The following TENM2 variants were observed in gnomAD, a reference collection of about 807,000 sequenced individuals.
TENM2 encodes teneurin-2.
In TENM2, 52 loss-of-function variants were observed where a neutral mutation model predicts 245.2. That is an observed-to-expected ratio of 0.21 (90% CI 0.17 to 0.27). The LOEUF (loss-of-function observed/expected upper bound fraction) is 0.27, where lower values mean the gene tolerates loss of function less well. Ranked by LOEUF, TENM2 falls within the 10% of genes least tolerant of loss-of-function variation. The pLI is 1.00. For missense variants in TENM2, 3,046 were observed against 3,666.8 expected (o/e 0.83, Z 4.37); for synonymous variants, 1,363 against 1,438.9 (o/e 0.95, Z 1.19).
At chr5:167,407,432 T>A (rs1762695195) in intron 2 of TENM2, among the ~76,000 whole-genome samples, 1 of 152,154 alleles carries the variant, frequency 6.6e-6, no homozygotes, top group Non-Finnish European at 1.5e-5. Flanking sequence ...CTTGTAATTT[T>A]CCAAGTAAGT....
intron 2 of TENM2, among the ~76,000 whole-genome samples, chr5:167,534,154 C>T (rs899400513): frequency 2.0e-5 from 3 of 152,114 alleles, no homozygotes; most frequent in African/African-American, 7.2e-5. Flanking sequence ...CAGTTACTTA[C>T]CAAGTGTCAA....
chr5:167,944,822 T>C (rs1006969438), intron 3 of TENM2, among the ~76,000 whole-genome samples: 1 of 152,172 alleles, frequency 6.6e-6, no homozygotes, highest in Admixed American at 6.5e-5. Flanking sequence ...AAAAGCTGAA[T>C]TGTATGATAT....
At position 167,379,931 on chromosome 5, in the gene TENM2, CA is replaced by C. The variant is rs10622295; in HGVS notation, c.502+4472del. The stretch of plus-strand genomic sequence containing the variant: ...AACAAAACAAAATTTAAAAACATAC[CA>C]AAAAAAAAAAAAACCCAGAACAAAG... On this transcript the variant is annotated intron_variant, in intron 2 of 28. Coordinates refer to ENST00000518659, the Ensembl canonical transcript of TENM2. Among the ~76,000 whole-genome samples the C allele has an allele frequency of 1.5e-3, 193 of 132,206 alleles. 3 individuals carry two copies. The highest frequency in any genetic ancestry group is 2.0e-3 in the Admixed American group (26 of 13,018). The allele number at this position is 132,206 out of a possible 152,430, so 86.7% of individuals were successfully genotyped here. A position where few individuals can be genotyped will look rare whatever the true frequency, so the allele number is the denominator to read the frequency against.
intron 10 of TENM2, among the ~76,000 whole-genome samples, chr5:168,120,974 G>A (rs1795429012): frequency 6.6e-6 from 1 of 152,202 alleles, no homozygotes. Context: ...GGAAGGTGAT[G>A]AGAGAGGAGT....
chr5:167,444,060 T>G (rs146408072), intron 2 of TENM2, among the ~76,000 whole-genome samples: 259 of 152,236 alleles, frequency 1.7e-3, no homozygotes, highest in African/African-American at 6.0e-3. Context: ...TTCCTTAATT[T>G]GTAGTGACTA....
intron 3 of TENM2, among the ~76,000 whole-genome samples, chr5:167,920,935 T>C (rs1777321082): frequency 6.6e-6 from 1 of 152,142 alleles, no homozygotes; most frequent in African/African-American, 2.4e-5. Flanking sequence ...TGAAACTAGG[T>C]TATTATCCTC....
intron 2 of TENM2, among the ~76,000 whole-genome samples, chr5:167,858,299 A>G (rs1420653872): frequency 6.6e-6 from 1 of 152,262 alleles, no homozygotes; most frequent in African/African-American, 2.4e-5. Flanking sequence ...TCTTCATAAG[A>G]AGAGGAAGAA....
At chr5:167,634,356 T>C (rs965856466) in intron 2 of TENM2, among the ~76,000 whole-genome samples, 2 of 152,178 alleles carry the variant, frequency 1.3e-5, no homozygotes, top group South Asian at 2.1e-4. Flanking sequence ...TTCTAGAAAG[T>C]TAGGAATTCT....
chr5:167,198,571 A>G, the TENM2 span, among the ~76,000 whole-genome samples: 7 of 152,130 alleles, frequency 4.6e-5, no homozygotes, highest in Admixed American at 2.0e-4. Flanking sequence ...CAAACAGTAG[A>G]TCAAGTTCTT....
At chr5:167,057,360 T>C in the TENM2 span, among the ~76,000 whole-genome samples, 1 of 152,218 alleles carries the variant, frequency 6.6e-6, no homozygotes, top group East Asian at 1.9e-4. Context: ...ACAGTCTCTT[T>C]ACACTGTATA....
the TENM2 span, among the ~76,000 whole-genome samples, chr5:167,061,084 T>G: frequency 1.3e-5 from 1 of 74,968 alleles, no homozygotes; most frequent in East Asian, 4.1e-4. Context: ...GATTAATCTC[T>G]CTCCAAAACA....
chr5:167,628,052 C>G (rs1335891242), intron 2 of TENM2, among the ~76,000 whole-genome samples: 4 of 152,192 alleles, frequency 2.6e-5, no homozygotes, highest in African/African-American at 9.6e-5. Flanking sequence ...CATAGCAAAT[C>G]TCTGTGTCCA....
At chr5:168,082,614 G>A (rs767958659) in intron 7 of TENM2, among the ~76,000 whole-genome samples, 77 of 152,242 alleles carry the variant, frequency 5.1e-4, no homozygotes, top group Middle Eastern at 3.4e-3. Context: ...TTTTGGTGTG[G>A]ATGTCCTTTC....
intron 23 of TENM2, among the ~76,000 whole-genome samples, chr5:168,225,195 A>G (rs1764045597): frequency 6.6e-6 from 1 of 152,096 alleles, no homozygotes; most frequent in African/African-American, 2.4e-5. Context: ...GGACCAAAGA[A>G]CAGGTTCCAT....
the TENM2 span, among the ~76,000 whole-genome samples, chr5:167,200,728 T>C: frequency 6.6e-6 from 1 of 152,168 alleles, no homozygotes; most frequent in Non-Finnish European, 1.5e-5. Flanking sequence ...TGGCAGCGGC[T>C]ACTTCAGTAG....
chr5:168,226,261 A>T, exon 24 of TENM2: 1 of 1,612,518 alleles, frequency 6.2e-7, no homozygotes, highest in Non-Finnish European at 8.5e-7. Context: ...ACAGTGGTAC[A>T]AGGTGAGCCT....
chr5:167,430,990 G>T (rs1384095307), intron 2 of TENM2, among the ~76,000 whole-genome samples: 1 of 152,188 alleles, frequency 6.6e-6, no homozygotes, highest in African/African-American at 2.4e-5. Context: ...GAATTTTAAT[G>T]ATTCGAAATA....
intron 9 of TENM2, among the ~76,000 whole-genome samples, chr5:168,100,577 C>A (rs1032240041): frequency 6.6e-6 from 1 of 152,128 alleles, no homozygotes; most frequent in Non-Finnish European, 1.5e-5. Context: ...AGTTCATATC[C>A]TTTGCAGGGA....
At chr5:168,165,548 G>A (rs563760588) in intron 13 of TENM2, among the ~76,000 whole-genome samples, 3 of 128,476 alleles carry the variant, frequency 2.3e-5, no homozygotes, top group Admixed American at 8.6e-5. Context: ...GCTTCCACCC[G>A]GCCAAAACCA....
Sources: allele counts gnomAD v4.1 joint callset (sites outside exome capture counted in the v4.1 genomes callset), GRCh38; gene constraint gnomAD v4.1.1; transcripts MANE v1.5; gene names NCBI Gene and HGNC (gene_info 2026-07-23, HGNC 2026-07-21).